Variants in PRSS54 observed in about 807,000 individuals in gnomAD.
PRSS54 encodes the protein inactive serine protease 54.
A neutral mutation model predicts 19.9 loss-of-function variants in PRSS54; 16 were observed. That is an observed-to-expected ratio of 0.80 (90% CI 0.54 to 1.22). The LOEUF (loss-of-function observed/expected upper bound fraction) is 1.22, where lower values mean the gene tolerates loss of function less well. PRSS54 is among the 50% of genes most tolerant of loss of function. The probability of loss-of-function intolerance (pLI) is 0.00; values close to 1 mark genes in which losing one functional copy is unlikely to be tolerated. For synonymous variants in PRSS54, 177 were observed against 195.8 expected, an observed-to-expected ratio of 0.90 and a Z score of 0.80; for missense variants, 444 against 494.8, an observed-to-expected ratio of 0.90 and a Z score of 0.97.
At chr16:58,287,727 G>C (rs1454474984) in intron 4 of PRSS54, among the ~76,000 whole-genome samples, 1 of 152,128 alleles carries the variant, frequency 6.6e-6, no homozygotes, top group Non-Finnish European at 1.5e-5. Flanking sequence ...GCAGGTGGGG[G>C]AAATCCAGCA....
chr16:58,280,344 A>G lies in PRSS54; in HGVS notation c.1068T>C (p.Tyr356=). The part of the protein sequence containing the change: ...SPEASVQPLY[Y]DYYGGEVGEG... ...CCCCCACCTCCCCACCGTAATAGTCATAGTATAAGGGTTGTACAGACGCCT... is the reference window on the plus strand; with the variant it reads ...CCCCCACCTCCCCACCGTAATAGTCGTAGTATAAGGGTTGTACAGACGCCT... Residue 356 remains tyrosine (Y), a synonymous_variant, in exon 7 of 7, where the codon TAT becomes TAC. Transcript: ENST00000567164. 1 of 1,614,184 alleles carries G rather than the reference A, an allele frequency of 6.2e-7. No homozygotes were observed. The highest frequency in any genetic ancestry group is 8.5e-7 in the Non-Finnish European group (1 of 1,180,044).
chr16:58,290,685 T>C (rs915415996), intron 4 of PRSS54, among the ~76,000 whole-genome samples: 6 of 152,190 alleles, frequency 3.9e-5, no homozygotes, highest in African/African-American at 1.4e-4. Flanking sequence ...AGTGCCTCCG[T>C]GATGGCGGTA....
chr16:58,293,535 GT>G, intron 3 of PRSS54, 196 bp downstream of exon 3: 14 of 985,394 alleles, frequency 1.4e-5, no homozygotes, highest in Non-Finnish European at 1.7e-5. Flanking sequence ...CCTGACTTTA[GT>G]TTCCTCCATC....
rs1420710933 is a variant in PRSS54, at chr16:58,293,823, C to G, written c.-6-1G>C. 6.2e-7 allele frequency: 1 copy of G among 1,610,742 alleles called. No homozygotes were observed. The highest frequency in any genetic ancestry group is 1.3e-5 in the African/African-American group (1 of 74,874). On this transcript the variant is annotated splice_acceptor_variant, in intron 2 of 6. Coordinates refer to ENST00000567164, the MANE Select transcript of PRSS54 (RefSeq NM_001305173.2). LOFTEE classifies it low-confidence loss of function (5UTR_SPLICE). ...GACCCGCCGCGGACACCATGGGCAG[C>G]TGGGGAAACAAAACCCAATGACTCC... is the stretch of plus-strand genomic sequence containing the variant.
intron 4 of PRSS54, 54 bp downstream of exon 4, chr16:58,290,905 G>A (rs1191816413): frequency 1.3e-6 from 2 of 1,585,348 alleles, no homozygotes; most frequent in African/African-American, 1.3e-5. Flanking sequence ...AAACAGGGTC[G>A]CCCCCACCCT....
chr16:58,285,723 CAAAA>C (rs1178010291), intron 5 of PRSS54, among the ~76,000 whole-genome samples: 7 of 78,828 alleles, frequency 8.9e-5, no homozygotes, highest in Admixed American at 3.3e-4. Context: ...GACCCTGTCT[CAAAA>C]AAAAAAAAAA....
chr16:58,292,543 A>G (rs1310783401), intron 3 of PRSS54, among the ~76,000 whole-genome samples: 4 of 121,446 alleles, frequency 3.3e-5, no homozygotes, highest in African/African-American at 1.4e-4. Flanking sequence ...AAAGGAGCAC[A>G]GAGGACCTCT....
Position 58,280,629 on chromosome 16 carries a change from G to A in PRSS54, c.783C>T (p.Ser261=), listed in dbSNP as rs752906391. The A allele has an allele frequency of 6.2e-7, 1 of 1,614,136 alleles. No individual in the cohort carries two copies. Among genetic ancestry groups the A allele is most frequent in the South Asian group, 1.1e-5 (1 of 91,072 alleles). Residue 261 remains serine, a synonymous_variant, in exon 7 of 7, where the codon AGC becomes AGT. Coordinates refer to ENST00000567164, the MANE Select transcript of PRSS54 (RefSeq NM_001305173.2). ...TCTCAGCCTTGGATGTGATCCATTT[G>A]CTGTAGTCTTCCACCTTGGTGTACA... ...LFLYTKVEDY[S]KWITSKAERA...
intron 4 of PRSS54, among the ~76,000 whole-genome samples, chr16:58,286,434 G>T (rs1180059800): frequency 6.6e-6 from 1 of 151,378 alleles, no homozygotes; most frequent in Non-Finnish European, 1.5e-5. Context: ...AACACCATTT[G>T]CCCCACCACT....
chr16:58,284,481 G>T, intron 6 of PRSS54, 109 bp downstream of exon 6: 1 of 1,303,474 alleles, frequency 7.7e-7, no homozygotes, highest in Non-Finnish European at 1.1e-6. Flanking sequence ...CTCATCCCAA[G>T]CCCTGCCCTC....
intron 2 of PRSS54, 71 bp from the exon 3 acceptor site, chr16:58,293,893 C>G: frequency 8.0e-7 from 1 of 1,247,796 alleles, no homozygotes; most frequent in South Asian, 1.3e-5. Context: ...CCTCTTTTTT[C>G]CATCCTCTTC....
chr16:58,280,093 G>T lies in PRSS54; in HGVS notation c.*131C>A. The T allele has an allele frequency of 1.1e-6, 1 of 890,292 alleles. No homozygotes were observed. 55.1% of individuals were successfully genotyped at this position (890,292 alleles called of 1,614,324 possible). On this transcript the variant is annotated 3_prime_UTR_variant, in exon 7 of 7. Transcript: ENST00000567164. ...GGATAGAGGAGGGAGAGCCAGCCCA[G>T]TGTATGCCATGGGCTTATCCGTGGC...
Position 58,291,028 on chromosome 16 carries a change from G to A in PRSS54, c.194C>T (p.Thr65Ile), listed in dbSNP as rs747392541. Residue 65 changes from threonine (T) to isoleucine (I), a missense_variant, in exon 4 of 7, where the codon ACA becomes ATA. Thr to Ile is a moderately conservative substitution (Grantham distance 89, BLOSUM62 -1). Transcript: ENST00000567164. Reference protein sequence around the residue: ...WVVSLQDSQYTHLAFGCILSE... With the variant: ...WVVSLQDSQYIHLAFGCILSE... ...CAGGATGCAGCCGAAAGCCAGGTGTGTGTACTGGGAGTCCTGCAGCGACAC... is the reference window on the plus strand; with the variant it reads ...CAGGATGCAGCCGAAAGCCAGGTGTATGTACTGGGAGTCCTGCAGCGACAC... The A allele has an allele frequency of 3.7e-6, 6 of 1,614,122 alleles. No individual in the cohort carries two copies. The highest frequency in any genetic ancestry group is 2.7e-5 in the African/African-American group (2 of 74,942).
At chr16:58,285,846 T>C (rs1035520579) in intron 5 of PRSS54, 91 bp downstream of exon 5, 2 of 1,467,546 alleles carry the variant, frequency 1.4e-6, no homozygotes. Flanking sequence ...AACTCCATTA[T>C]TAAATTAAGA....
chr16:58,285,744 A>AAAAAAAAAAAAAAAAAAAGAAG (rs146167626), intron 5 of PRSS54, among the ~76,000 whole-genome samples, 193 bp downstream of exon 5: 1 of 77,350 alleles, frequency 1.3e-5, no homozygotes, highest in African/African-American at 7.2e-5. Context: ...AAAAAAAAAA[A>AAAAAAAAAAAAAAAAAAAGAAG]AAGAAGAAGA....
In PRSS54 at chr16:58,286,182, C is replaced by T. The variant is rs527628419; in HGVS notation, c.277G>A (p.Val93Ile). ...TCCATGTTACTTATACCCACTATAA[C>T]GACAATGTCCTTCCTGGAGAGAGAG... The part of the protein sequence containing the change: ...SAIQNRKDIV[V>I]IVGISNMDPS... Residue 93 changes from valine (V) to isoleucine (I), a missense_variant, in exon 5 of 7, where the codon GTT (valine) becomes ATT (isoleucine). Val to Ile is a conservative substitution (Grantham distance 29). Coordinates refer to ENST00000567164, the MANE Select transcript of PRSS54 (RefSeq NM_001305173.2). 4.0e-5 allele frequency: 65 copies of T among 1,614,124 alleles called. No homozygotes were observed. Among genetic ancestry groups the T allele is most frequent in the South Asian group, 1.6e-4 (15 of 91,070 alleles).
intron 6 of PRSS54, among the ~76,000 whole-genome samples, chr16:58,284,019 T>C (rs1445311889): frequency 6.6e-6 from 1 of 152,196 alleles, no homozygotes; most frequent in African/African-American, 2.4e-5. Flanking sequence ...CTGGTAGACC[T>C]AGGTCCTTGT....
intron 6 of PRSS54, among the ~76,000 whole-genome samples, chr16:58,284,224 A>G (rs1042285063): frequency 6.6e-6 from 1 of 152,160 alleles, no homozygotes; most frequent in East Asian, 1.9e-4. Flanking sequence ...AGTAACTGAT[A>G]GCATCAGAGG....
rs763067271 is a variant in PRSS54 at position 58,293,750 on chromosome 16, G to A, written c.67C>T (p.Leu23Phe). The A allele has an allele frequency of 6.2e-7, 1 of 1,613,310 alleles. No homozygotes were observed. The highest frequency in any genetic ancestry group is 1.3e-5 in the African/African-American group (1 of 75,018). ...CACTCACTGGTGGAAGAATAGAGAA[G>A]GCCGAGCAGCACCAGGAGCACCCCT... ...MRGVLLVLLGLLYSSTSCGVQ... is the reference protein window; with the variant it reads ...MRGVLLVLLGFLYSSTSCGVQ... Residue 23 changes from leucine to phenylalanine, a missense_variant, in exon 3 of 7, where the codon CTT becomes TTT. Coordinates refer to ENST00000567164, the MANE Select transcript of PRSS54 (RefSeq NM_001305173.2).
Sources: gnomAD v4.1 joint callset for allele counts (sites outside exome capture counted in the v4.1 genomes callset) on GRCh38, gnomAD v4.1.1 for gene constraint, MANE v1.5 for transcripts, NCBI Gene and HGNC (gene_info 2026-07-23, HGNC 2026-07-21) for gene names.